The following EBF2 variants were observed in gnomAD, a reference collection of about 807,000 sequenced individuals.
EBF2 encodes the protein EBF transcription factor 2.
EBF2 carries 21 observed loss-of-function variants against 72.8 expected under a neutral mutation model. The ratio of observed to expected loss-of-function variants is 0.29; its 90% CI spans 0.20 to 0.42. EBF2 has a LOEUF of 0.42. Among genes scored for constraint, EBF2 ranks in the 10% least tolerant of loss-of-function variants. The probability of loss-of-function intolerance (pLI) is 1.00; values close to 1 mark genes in which losing one functional copy is unlikely to be tolerated. For missense variants in EBF2, 637 were observed against 731.2 expected, an observed-to-expected ratio of 0.87 and a Z score of 1.49; for synonymous variants, 299 against 274.2, an observed-to-expected ratio of 1.09 and a Z score of -0.89.
At chr8:26,005,579 G>GAGAGAGAGAGAGAGAT (rs71216409) in intron 6 of EBF2, among the ~76,000 whole-genome samples, 1 of 63,780 alleles carries the variant, frequency 1.6e-5, no homozygotes, top group Non-Finnish European at 2.9e-5. Context: ...GAGAGAGAGA[G>GAGAGAGAGAGAGAGAT]GTATTTTGGG....
chr8:26,031,482 C>T (rs1213909182), intron 6 of EBF2: 13 of 128,734 alleles, frequency 1.0e-4, no homozygotes, highest in African/African-American at 3.9e-4. Context: ...GTCACCCAGG[C>T]TGGAGTGCAG....
intron 6 of EBF2, among the ~76,000 whole-genome samples, chr8:26,015,956 G>C (rs953832938): frequency 6.6e-6 from 1 of 152,118 alleles, no homozygotes. Context: ...CTCCAAAAAA[G>C]AAAAATGCTC....
chr8:25,977,425 C>G (rs1364110239), intron 6 of EBF2, among the ~76,000 whole-genome samples: 1 of 152,078 alleles, frequency 6.6e-6, no homozygotes, highest in Non-Finnish European at 1.5e-5. Flanking sequence ...TACACAGCAC[C>G]CCACATGCAG....
intron 6 of EBF2, among the ~76,000 whole-genome samples, chr8:25,911,348 A>G (rs142152577): frequency 2.6e-5 from 4 of 152,318 alleles, no homozygotes; most frequent in Non-Finnish European, 5.9e-5. Flanking sequence ...ACACACGACA[A>G]AGCTTCTGAT....
chr8:26,013,103 G>C (rs569668959), intron 6 of EBF2, among the ~76,000 whole-genome samples: 9 of 152,190 alleles, frequency 5.9e-5, no homozygotes, highest in Admixed American at 3.9e-4. Context: ...AGAAGTGCTG[G>C]TTTTGGGAGG....
chr8:25,880,735 T>G (rs1802592704), intron 10 of EBF2, among the ~76,000 whole-genome samples: 2 of 152,234 alleles, frequency 1.3e-5, no homozygotes. Context: ...GGTGAACTTT[T>G]GTAAAGTTTT....
chr8:25,969,146 T>C (rs2117186833), intron 6 of EBF2, among the ~76,000 whole-genome samples: 1 of 152,284 alleles, frequency 6.6e-6, no homozygotes, highest in African/African-American at 2.4e-5. Flanking sequence ...TCTTAAGACA[T>C]CTCAAAGTGA....
intron 7 of EBF2, among the ~76,000 whole-genome samples, chr8:25,898,011 G>A (rs1374586343): frequency 2.0e-5 from 3 of 152,112 alleles, no homozygotes; most frequent in South Asian, 2.1e-4. Context: ...ACCCCTAGGC[G>A]CTCTGCTACA....
intron 5 of EBF2, among the ~76,000 whole-genome samples, chr8:26,033,987 T>A (rs943605375): frequency 1.3e-5 from 2 of 152,220 alleles, no homozygotes; most frequent in African/African-American, 4.8e-5. Flanking sequence ...GATATTAAGA[T>A]GGATAAGGTC....
At chr8:25,903,187 G>GT (rs542446501) in intron 7 of EBF2, among the ~76,000 whole-genome samples, 20,580 of 132,130 alleles carry the variant, frequency 0.16, 3,913 homozygotes, top group African/African-American at 0.46. Flanking sequence ...TTTTGTCTGG[G>GT]TTTTTTTTTT....
At chr8:25,942,183 T>C (rs1008868458) in intron 6 of EBF2, among the ~76,000 whole-genome samples, 4 of 152,240 alleles carry the variant, frequency 2.6e-5, no homozygotes, top group African/African-American at 9.6e-5. Context: ...GCAATGGTTC[T>C]CACATGCCTT....
chr8:25,973,658 T>C (rs943311711), intron 6 of EBF2, among the ~76,000 whole-genome samples: 41 of 152,188 alleles, frequency 2.7e-4, no homozygotes, highest in Admixed American at 2.6e-3. Context: ...CCCTTGAAGC[T>C]AGTCTGTTTT....
chr8:25,941,806 G>A (rs914928865), intron 6 of EBF2, among the ~76,000 whole-genome samples: 2 of 152,120 alleles, frequency 1.3e-5, no homozygotes, highest in Non-Finnish European at 2.9e-5. Flanking sequence ...AAAACCTCCT[G>A]CTCTCGCTAA....
At chr8:25,871,253 A>T (rs772310721) in intron 10 of EBF2, among the ~76,000 whole-genome samples, 1 of 152,168 alleles carries the variant, frequency 6.6e-6, no homozygotes, top group South Asian at 2.1e-4. Context: ...GAGGTGCCCA[A>T]GACCAGCACC....
At chr8:25,986,524 C>T (rs1008069933) in intron 6 of EBF2, among the ~76,000 whole-genome samples, 1 of 152,148 alleles carries the variant, frequency 6.6e-6, no homozygotes, top group East Asian at 1.9e-4. Flanking sequence ...ACACCTTGTT[C>T]GATGCTTGAC....
chr8:25,932,405 G>T (rs1258479238), intron 6 of EBF2, among the ~76,000 whole-genome samples: 3 of 150,058 alleles, frequency 2.0e-5, no homozygotes, highest in African/African-American at 7.4e-5. Flanking sequence ...AACGGGCAGC[G>T]TACGGGATGC....
chr8:25,924,373 T>G (rs1237030940), intron 6 of EBF2, among the ~76,000 whole-genome samples: 1 of 152,226 alleles, frequency 6.6e-6, no homozygotes, highest in Non-Finnish European at 1.5e-5. Flanking sequence ...GTAAAAGTGA[T>G]CCTCCCCAGA....
chr8:25,956,623 T>C lies in EBF2; in HGVS notation c.552-48068A>G, dbSNP rs189992536. On this transcript the variant is annotated intron_variant, in intron 6 of 15. Coordinates refer to ENST00000520164, the MANE Select transcript of EBF2 (RefSeq NM_022659.4). The stretch of plus-strand genomic sequence containing the variant: ...CCAATGACTATTATTACATACTCTA[T>C]GTCCATGTGTACAAGTTATTTAACT... Among the ~76,000 whole-genome samples the C allele has an allele frequency of 2.3e-3, 346 of 152,304 alleles. 1 individual carries two copies. The highest frequency in any genetic ancestry group is 7.9e-3 in the African/African-American group (329 of 41,566).
intron 10 of EBF2, among the ~76,000 whole-genome samples, chr8:25,872,258 A>G (rs1232125031): frequency 1.3e-5 from 2 of 152,172 alleles, no homozygotes; most frequent in Non-Finnish European, 2.9e-5. Flanking sequence ...AAAGATGGCA[A>G]CATCAAGGCC....
Sources: gnomAD v4.1 joint callset for allele counts (sites outside exome capture counted in the v4.1 genomes callset) on GRCh38, gnomAD v4.1.1 for gene constraint, MANE v1.5 for transcripts, NCBI Gene and HGNC (gene_info 2026-07-23, HGNC 2026-07-21) for gene names.